DDR2: variants seen among roughly 807,000 people sequenced by gnomAD.
DDR2 encodes the protein discoidin domain receptor tyrosine kinase 2, also known as discoidin domain-containing receptor 2.
DDR2 carries 27 observed loss-of-function variants against 94.9 expected under a neutral mutation model. The observed-to-expected ratio is 0.28, with a 90% CI of 0.21 to 0.39. DDR2 has a LOEUF of 0.39. DDR2 is among the 10% of genes least tolerant of loss of function. The pLI is 1.00. For synonymous variants in DDR2, 382 were observed against 377.2 expected, an observed-to-expected ratio of 1.01 and a Z score of -0.15; for missense variants, 783 against 1,076.0, an observed-to-expected ratio of 0.73 and a Z score of 3.81.
At chr1:162,717,201 A>G (rs536919428) in intron 2 of DDR2, among the ~76,000 whole-genome samples, 1 of 152,156 alleles carries the variant, frequency 6.6e-6, no homozygotes, top group South Asian at 2.1e-4. Context: ...AAGCCTCGCT[A>G]ATTTTTGTAT....
At chr1:162,776,663 A>G (rs1647573434) in intron 16 of DDR2, among the ~76,000 whole-genome samples, 1 of 152,198 alleles carries the variant, frequency 6.6e-6, no homozygotes, top group Non-Finnish European at 1.5e-5. Flanking sequence ...AATTTAAGAT[A>G]TTAAAAACCT....
chr1:162,652,428 G>A (rs911107653), intron 1 of DDR2, among the ~76,000 whole-genome samples: 5 of 152,214 alleles, frequency 3.3e-5, no homozygotes, highest in South Asian at 2.1e-4. Context: ...TCAGACAGAC[G>A]ACAGACACTC....
At chr1:162,692,236 C>T (rs893690187) in intron 2 of DDR2, among the ~76,000 whole-genome samples, 2 of 152,236 alleles carry the variant, frequency 1.3e-5, no homozygotes, top group East Asian at 3.8e-4. Flanking sequence ...CTTCCCTGCT[C>T]TACTCATCCT....
intron 3 of DDR2, among the ~76,000 whole-genome samples, chr1:162,752,152 A>G (rs946006796): frequency 2.4e-5 from 2 of 84,310 alleles, no homozygotes; most frequent in Non-Finnish European, 5.4e-5. Flanking sequence ...ATAAAAAAAA[A>G]AGAGAAAAGA....
chr1:162,671,005 G>A (rs1484229256), intron 2 of DDR2, among the ~76,000 whole-genome samples: 1 of 152,146 alleles, frequency 6.6e-6, no homozygotes, highest in Non-Finnish European at 1.5e-5. Context: ...TGTGCCAGGA[G>A]GTTCACAGTA....
upstream of DDR2, chr1:162,632,232 T>C (rs1023709977): frequency 3.9e-5 from 6 of 152,102 alleles, no homozygotes; most frequent in Admixed American, 3.3e-4. Flanking sequence ...TTTAAGTCTG[T>C]CCTATGGTTA....
intron 1 of DDR2, among the ~76,000 whole-genome samples, chr1:162,634,638 G>A (rs143498629): frequency 6.4e-4 from 97 of 152,248 alleles, no homozygotes; most frequent in African/African-American, 2.2e-3. Context: ...CCTCCCTCCC[G>A]GGGGAATATT....
intron 1 of DDR2, among the ~76,000 whole-genome samples, chr1:162,646,630 T>A (rs1207709301): frequency 6.6e-6 from 1 of 152,208 alleles, no homozygotes; most frequent in Non-Finnish European, 1.5e-5. Context: ...CCATTTCACA[T>A]TGTGAAAACC....
rs2102199530 is a variant in DDR2 at position 162,776,300 on chromosome 1, G to A, written c.2213G>A (p.Gly738Asp). ...DFGMSRNLYS[G>D]DYYRIQGRAV... ...GGAATGAGCAGGAACCTGTACAGTG[G>A]TGACTATTACCGGATCCAGGGCCGG... The change falls in exon 16 of 18, where the codon GGT becomes GAT. Residue 738 changes from glycine (G) to aspartate (D), a missense_variant. Coordinates refer to ENST00000367921, the MANE Select transcript of DDR2 (RefSeq NM_006182.4). The A allele has an allele frequency of 6.2e-7, 1 of 1,614,024 alleles. No homozygotes were observed. Among genetic ancestry groups the A allele is most frequent in the Non-Finnish European group, 8.5e-7 (1 of 1,179,970 alleles).
At chr1:162,739,619 A>G (rs1662491257) in intron 3 of DDR2, among the ~76,000 whole-genome samples, 1 of 152,132 alleles carries the variant, frequency 6.6e-6, no homozygotes, top group South Asian at 2.1e-4. Flanking sequence ...CATTTTCTTT[A>G]TCGAATCCAC....
intron 14 of DDR2, 45 bp downstream of exon 14, chr1:162,773,641 T>G (rs1225697396): frequency 6.2e-7 from 1 of 1,610,930 alleles, no homozygotes; most frequent in Non-Finnish European, 8.5e-7. Context: ...ATTTCATCTT[T>G]AGGACCAGGA....
chr1:162,636,333 A>G (rs1656815555), intron 1 of DDR2, among the ~76,000 whole-genome samples: 1 of 152,190 alleles, frequency 6.6e-6, no homozygotes, highest in Non-Finnish European at 1.5e-5. Flanking sequence ...AATTCTAAAC[A>G]TGGGTTTGGA....
chr1:162,673,398 A>G (rs931148755), intron 2 of DDR2, among the ~76,000 whole-genome samples: 1 of 152,146 alleles, frequency 6.6e-6, no homozygotes, highest in Admixed American at 6.5e-5. Flanking sequence ...TAATCGTAAA[A>G]TTTTAAGGTG....
At chr1:162,769,569 C>T (rs903872917) in intron 11 of DDR2, among the ~76,000 whole-genome samples, 2 of 152,172 alleles carry the variant, frequency 1.3e-5, no homozygotes, top group African/African-American at 2.4e-5. Flanking sequence ...CATTGAGCAC[C>T]AAAGCTGTGT....
At chr1:162,664,767 C>A (rs1401208465) in intron 2 of DDR2, among the ~76,000 whole-genome samples, 1 of 151,974 alleles carries the variant, frequency 6.6e-6, no homozygotes, top group Non-Finnish European at 1.5e-5. Context: ...ACTTTTTCAT[C>A]AGAAAAATAA....
chr1:162,775,167 T>G (rs964624436), intron 14 of DDR2, among the ~76,000 whole-genome samples: 8 of 151,470 alleles, frequency 5.3e-5, no homozygotes, highest in African/African-American at 1.9e-4. Context: ...AAAGTCAGTA[T>G]GAGAAAATAA....
intron 9 of DDR2, among the ~76,000 whole-genome samples, chr1:162,763,077 T>C (rs140335151): frequency 0.011 from 1,674 of 152,164 alleles, 34 homozygotes; most frequent in African/African-American, 0.038. Context: ...CCTCAAGTGA[T>C]CCGCCTGCCT....
chr1:162,715,845 T>A (rs1661144409), intron 2 of DDR2, among the ~76,000 whole-genome samples: 2 of 152,224 alleles, frequency 1.3e-5, no homozygotes, highest in Admixed American at 1.3e-4. Context: ...CAGTGCTCTG[T>A]TTGTTAGCTG....
At chr1:162,771,009 AT>A (rs1478258210) in intron 12 of DDR2, among the ~76,000 whole-genome samples, 1 of 152,216 alleles carries the variant, frequency 6.6e-6, no homozygotes, top group African/African-American at 2.4e-5. Flanking sequence ...TGAGTTATCT[AT>A]TTTTTGTGAA....
Sources: allele counts gnomAD v4.1 joint callset (sites outside exome capture counted in the v4.1 genomes callset), GRCh38; gene constraint gnomAD v4.1.1; transcripts MANE v1.5; gene names NCBI Gene and HGNC (gene_info 2026-07-23, HGNC 2026-07-21).